Variants in FRMD4A observed in about 807,000 individuals in gnomAD.
FRMD4A encodes the protein FERM domain containing 4A.
In FRMD4A, 29 loss-of-function variants were observed where a neutral mutation model predicts 129.1. That is an observed-to-expected ratio of 0.22 (90% CI 0.17 to 0.31). The LOEUF is 0.31. Among genes scored for constraint, FRMD4A ranks in the 10% least tolerant of loss-of-function variants. FRMD4A has a pLI of 1.00. For missense variants in FRMD4A, 1,272 were observed against 1,375.8 expected (o/e 0.92, Z 1.19); for synonymous variants, 634 against 571.6 (o/e 1.11, Z -1.56).
intron 2 of FRMD4A, among the ~76,000 whole-genome samples, chr10:14,089,971 G>C (rs537770226): frequency 4.5e-4 from 68 of 152,366 alleles, no homozygotes; most frequent in African/African-American, 1.6e-3. Context: ...TGACAGAGCA[G>C]GGCCGATATT....
At chr10:13,684,513 A>T in intron 15 of FRMD4A, 1 of 985,290 alleles carries the variant, frequency 1.0e-6, no homozygotes, top group Non-Finnish European at 1.2e-6. Context: ...CAACGCCAGC[A>T]GCACAAACAG....
intron 2 of FRMD4A, among the ~76,000 whole-genome samples, chr10:14,189,403 G>C (rs1022583929): frequency 2.0e-5 from 3 of 152,042 alleles, no homozygotes; most frequent in African/African-American, 4.8e-5. Context: ...ATGAAACCTG[G>C]TCTCTACTAA....
intron 2 of FRMD4A, among the ~76,000 whole-genome samples, chr10:14,013,938 A>G (rs556923302): frequency 1.3e-5 from 2 of 152,278 alleles, no homozygotes; most frequent in East Asian, 1.9e-4. Flanking sequence ...TTTCAAAACA[A>G]AAACAAACAA....
intron 2 of FRMD4A, chr10:13,971,651 C>G: frequency 1.5e-6 from 2 of 1,299,264 alleles, no homozygotes; most frequent in Non-Finnish European, 2.0e-6. Flanking sequence ...AGCTTCTGGT[C>G]CCACCTGATA....
chr10:14,185,608 CAG>C (rs1286122320), intron 2 of FRMD4A, among the ~76,000 whole-genome samples: 1 of 140,262 alleles, frequency 7.1e-6, no homozygotes, highest in East Asian at 2.0e-4. Flanking sequence ...GGTAGAGAGA[CAG>C]AAAGGGGATA....
Position 13,724,115 on chromosome 10 carries a change from G to A in FRMD4A, c.759+13729C>T, listed in dbSNP as rs117793654. On this transcript the variant is annotated intron_variant, in intron 12 of 24. Coordinates refer to ENST00000357447, the MANE Select transcript of FRMD4A (RefSeq NM_018027.5). ...GATAAAAGAGATTTGTCAGCCGGGC[G>A]CGGTGGCTCAGGCCTGTAATCCCAG... Among the ~76,000 whole-genome samples, 201 of 152,302 alleles carry A rather than the reference G, an allele frequency of 1.3e-3. No individual in the cohort carries two copies. The Middle Eastern group carries it at 0.014, about 10-fold the overall frequency.
chr10:14,002,063 T>A (rs975293719), intron 2 of FRMD4A, among the ~76,000 whole-genome samples: 4 of 152,174 alleles, frequency 2.6e-5, no homozygotes, highest in Non-Finnish European at 4.4e-5. Context: ...GACGTCAACC[T>A]GGAATAACAC....
At chr10:13,867,239 A>T (rs2094378854) in intron 2 of FRMD4A, among the ~76,000 whole-genome samples, 1 of 152,014 alleles carries the variant, frequency 6.6e-6, no homozygotes, top group South Asian at 2.1e-4. Context: ...AAATATACAC[A>T]ATCATATTTT....
intron 2 of FRMD4A, among the ~76,000 whole-genome samples, chr10:14,105,019 G>A (rs1027051989): frequency 2.0e-5 from 3 of 152,158 alleles, no homozygotes; most frequent in African/African-American, 4.8e-5. Context: ...GGGTCCCCAC[G>A]CCGCAGGGCC....
intron 14 of FRMD4A, among the ~76,000 whole-genome samples, chr10:13,698,956 C>T (rs1208814078): frequency 1.3e-5 from 2 of 151,680 alleles, no homozygotes; most frequent in African/African-American, 4.9e-5. Flanking sequence ...CCAAGGGTTA[C>T]TTTTACAAAA....
intron 2 of FRMD4A, among the ~76,000 whole-genome samples, chr10:14,069,428 G>A (rs948891580): frequency 1.3e-5 from 2 of 152,120 alleles, no homozygotes; most frequent in African/African-American, 4.8e-5. Context: ...GGGGGTCAGG[G>A]AGAGGGCTCA....
Position 14,212,039 on chromosome 10 carries a change from G to C in FRMD4A, c.45+118019C>G, listed in dbSNP as rs562573487. On this transcript the variant is annotated intron_variant, in intron 2 of 24. Coordinates refer to ENST00000357447, the MANE Select transcript of FRMD4A (RefSeq NM_018027.5). ...TGGGGTACAGACAGACATCCCCTGT[G>C]ATCCTTCCAACAGTAAGTCTTTGTT... 1.4e-4 allele frequency among the ~76,000 whole-genome samples: 22 copies of C among 152,266 alleles called. No homozygotes were observed. The South Asian group carries it at 4.6e-3, about 32-fold the overall frequency.
chr10:14,270,120 AGACT>A (rs1176620235), intron 2 of FRMD4A, among the ~76,000 whole-genome samples: 4 of 152,246 alleles, frequency 2.6e-5, no homozygotes, highest in African/African-American at 9.6e-5. Context: ...CTTTGGCCTC[AGACT>A]GACTGAGAGA....
chr10:13,783,089 T>A, intron 5 of FRMD4A, 83 bp from the exon 6 acceptor site: 1 of 735,026 alleles, frequency 1.4e-6, no homozygotes, highest in East Asian at 2.5e-5. Flanking sequence ...TGATTTGAGA[T>A]GAAAGCTGGC....
chr10:14,104,899 T>A (rs1435759419), intron 2 of FRMD4A, among the ~76,000 whole-genome samples: 1 of 152,184 alleles, frequency 6.6e-6, no homozygotes, highest in Non-Finnish European at 1.5e-5. Context: ...GGGGCAGGCC[T>A]GAGAAGTGTG....
chr10:14,067,938 T>C (rs1372197362), intron 2 of FRMD4A, among the ~76,000 whole-genome samples: 2 of 152,202 alleles, frequency 1.3e-5, no homozygotes, highest in Non-Finnish European at 2.9e-5. Flanking sequence ...CAGGGCTATT[T>C]CTAGGCATCA....
chr10:13,854,166 TCTTA>T (rs2131021784), intron 3 of FRMD4A, among the ~76,000 whole-genome samples: 1 of 152,254 alleles, frequency 6.6e-6, no homozygotes, highest in Admixed American at 6.5e-5. Context: ...GTCCGGAAAT[TCTTA>T]CTTAAATCAT....
intron 2 of FRMD4A, among the ~76,000 whole-genome samples, chr10:14,036,261 T>C (rs540412830): frequency 2.4e-4 from 37 of 152,272 alleles, no homozygotes; most frequent in Admixed American, 1.8e-3. Flanking sequence ...AAGTGAAAGA[T>C]GGCAAGACTG....
chr10:13,925,831 C>G lies in FRMD4A; in HGVS notation c.46-66919G>C, dbSNP rs548088985. 6.4e-4 allele frequency among the ~76,000 whole-genome samples: 97 copies of G among 151,192 alleles called. 1 individual carries two copies. The highest frequency in any genetic ancestry group is 2.6e-3 in the Admixed American group (40 of 15,200). ...ATCTCCTGACCTCGTGATCTGCCCA[C>G]CTCGGCCTCCCAGAGTGCTGGGATT... is the stretch of plus-strand genomic sequence containing the variant. On this transcript the variant is annotated intron_variant, in intron 2 of 24. Transcript: ENST00000357447.
Sources: allele counts gnomAD v4.1 joint callset (sites outside exome capture counted in the v4.1 genomes callset), GRCh38; gene constraint gnomAD v4.1.1; transcripts MANE v1.5; gene names NCBI Gene and HGNC (gene_info 2026-07-23, HGNC 2026-07-21).